The following GALNT2 variants were observed in gnomAD, a reference collection of about 807,000 sequenced individuals.
GALNT2 encodes UDP-GalNAc:polypeptide N-acetylgalactosaminyltransferase 2.
In GALNT2, 31 loss-of-function variants were observed where a neutral mutation model predicts 81.4. The ratio of observed to expected loss-of-function variants is 0.38; its 90% CI spans 0.29 to 0.51. The LOEUF is 0.51. GALNT2 is among the 20% of genes least tolerant of loss of function. The pLI, the probability that GALNT2 is intolerant of heterozygous loss-of-function variation, is 0.87. For synonymous variants in GALNT2, 303 were observed against 287.4 expected (o/e 1.05, Z -0.55); for missense variants, 629 against 765.7 (o/e 0.82, Z 2.11).
chr1:230,215,295 G>A (rs1454637769), intron 3 of GALNT2, among the ~76,000 whole-genome samples: 1 of 152,208 alleles, frequency 6.6e-6, no homozygotes, highest in Non-Finnish European at 1.5e-5. Flanking sequence ...CAAGACCATC[G>A]CTTCTGCTCG....
At chr1:230,141,760 C>T (rs1661742320) in intron 1 of GALNT2, among the ~76,000 whole-genome samples, 1 of 143,218 alleles carries the variant, frequency 7.0e-6, no homozygotes, top group Non-Finnish European at 1.5e-5. Flanking sequence ...ACAGATATCT[C>T]TTCAAGACCC....
At chr1:230,075,621 G>A (rs1313327986) in intron 1 of GALNT2, among the ~76,000 whole-genome samples, 1 of 152,146 alleles carries the variant, frequency 6.6e-6, no homozygotes, top group Non-Finnish European at 1.5e-5. Context: ...TTGAGTGTTT[G>A]GGAGTACACC....
At chr1:230,130,473 T>C (rs532563552) in intron 1 of GALNT2, among the ~76,000 whole-genome samples, 47 of 152,310 alleles carry the variant, frequency 3.1e-4, no homozygotes, top group African/African-American at 1.1e-3. Context: ...GAGCCTGGTG[T>C]TTACCCCCAC....
intron 3 of GALNT2, among the ~76,000 whole-genome samples, chr1:230,217,302 T>A (rs1452692936): frequency 6.6e-6 from 1 of 152,086 alleles, no homozygotes; most frequent in Non-Finnish European, 1.5e-5. Context: ...GGCAAAGACC[T>A]GAGGGAAGGG....
chr1:230,115,396 A>C (rs141375749), intron 1 of GALNT2, among the ~76,000 whole-genome samples: 153 of 152,360 alleles, frequency 1.0e-3, no homozygotes, highest in African/African-American at 3.5e-3. Context: ...TACGGCAGTA[A>C]AGCAAGTCAC....
chr1:230,242,428 G>A (rs909252653), intron 6 of GALNT2, among the ~76,000 whole-genome samples: 2 of 152,110 alleles, frequency 1.3e-5, no homozygotes, highest in African/African-American at 2.4e-5. Context: ...TGTCCTCACC[G>A]GTTATGAATA....
At chr1:230,255,503 C>A in intron 11 of GALNT2, 159 bp downstream of exon 11, 2 of 951,676 alleles carry the variant, frequency 2.1e-6, no homozygotes, top group Non-Finnish European at 3.1e-6. Flanking sequence ...TCCACGGATG[C>A]AGGATACAAC....
chr1:230,236,481 G>A (rs1165449087), intron 5 of GALNT2, 61 bp downstream of exon 5: 2 of 1,552,118 alleles, frequency 1.3e-6, no homozygotes, highest in South Asian at 1.1e-5. Flanking sequence ...CAGTCTTCCT[G>A]TAGTGGGGGT....
intron 11 of GALNT2, 152 bp from the exon 12 acceptor site, chr1:230,262,421 C>T (rs2296064): frequency 0.05 from 32,125 of 638,062 alleles, 1,898 homozygotes; most frequent in African/African-American, 0.17. Flanking sequence ...CTGGTGGGGA[C>T]AGCCCACCCT....
chr1:230,138,544 A>T (rs1335446102), intron 1 of GALNT2, among the ~76,000 whole-genome samples: 1 of 151,540 alleles, frequency 6.6e-6, no homozygotes, highest in Non-Finnish European at 1.5e-5. Context: ...AAAAAAAAAA[A>T]TGAAACAGAA....
intron 1 of GALNT2, among the ~76,000 whole-genome samples, chr1:230,120,920 T>G (rs961254414): frequency 6.6e-6 from 1 of 152,220 alleles, no homozygotes; most frequent in Non-Finnish European, 1.5e-5. Context: ...CTGAGTGGCT[T>G]ATATGCAAAC....
chr1:230,235,980 C>T, intron 3 of GALNT2, 34 bp from the exon 4 acceptor site: 1 of 1,601,134 alleles, frequency 6.2e-7, no homozygotes, highest in Non-Finnish European at 8.6e-7. Context: ...CTCTGGGGGT[C>T]ATTGTTCAGA....
At chr1:230,061,258 C>G (rs1227247087) in intron 1 of GALNT2, among the ~76,000 whole-genome samples, 1 of 151,622 alleles carries the variant, frequency 6.6e-6, no homozygotes, top group Non-Finnish European at 1.5e-5. Flanking sequence ...ACCGCTATCT[C>G]TAATTACAAA....
At chr1:230,237,930 C>T (rs572304103) in intron 6 of GALNT2, among the ~76,000 whole-genome samples, 36 of 151,780 alleles carry the variant, frequency 2.4e-4, no homozygotes, top group African/African-American at 8.4e-4. Flanking sequence ...CTAACAGTGT[C>T]TTTGTCTTTA....
In GALNT2 at chr1:230,275,368, T is replaced by C. The variant is rs1282252157; in HGVS notation, c.1560+804T>C. ...CATATATATACATGCCACATATACA[T>C]CTATAAACACCACATGTATACACGC... On this transcript the variant is annotated intron_variant, in intron 15 of 15. Coordinates refer to ENST00000366672, the MANE Select transcript of GALNT2 (RefSeq NM_004481.5). This position sits in a 1 kb window ranked among gnomAD's most constrained non-coding sequence, Gnocchi z 5.5. Among the ~76,000 whole-genome samples the C allele has an allele frequency of 6.7e-6, 1 of 150,334 alleles. No individual in the cohort carries two copies. Among genetic ancestry groups the C allele is most frequent in the East Asian group, 2.0e-4 (1 of 5,040 alleles).
chr1:230,087,942 T>A (rs538736695), intron 1 of GALNT2, among the ~76,000 whole-genome samples: 17 of 152,320 alleles, frequency 1.1e-4, no homozygotes, highest in Admixed American at 5.2e-4. Context: ...ACAGCAGATA[T>A]TAAGTGACAG....
At chr1:230,109,896 A>G (rs907392276) in intron 1 of GALNT2, among the ~76,000 whole-genome samples, 12 of 152,052 alleles carry the variant, frequency 7.9e-5, no homozygotes, top group Admixed American at 7.2e-4. Flanking sequence ...CAGAAAGACA[A>G]ACAAGCTCAT....
chr1:230,193,511 G>A lies in GALNT2; in HGVS notation c.221-9626G>A, dbSNP rs1329945370. Among the ~76,000 whole-genome samples the A allele has an allele frequency of 2.0e-5, 3 of 152,198 alleles. No homozygotes were observed. The highest frequency in any genetic ancestry group is 4.4e-5 in the Non-Finnish European group (3 of 68,006). On this transcript the variant is annotated intron_variant, in intron 2 of 15. Transcript: ENST00000366672. The surrounding 1 kb of genome is among the most constrained non-coding windows in gnomAD (Gnocchi z 4.3). ...CCTCTCTGTGCTGGGGTGTGCGTGC[G>A]CCTCTGTGTGCTGGGGTCTTCATGT...
At chr1:230,237,656 A>G (rs1227356623) in intron 6 of GALNT2, among the ~76,000 whole-genome samples, 1 of 152,324 alleles carries the variant, frequency 6.6e-6, no homozygotes, top group East Asian at 1.9e-4. Context: ...TAGACATTCA[A>G]GATACATAAA....
Sources: allele counts gnomAD v4.1 joint callset (sites outside exome capture counted in the v4.1 genomes callset), GRCh38; gene constraint gnomAD v4.1.1; non-coding constraint Gnocchi (gnomAD v3.1); transcripts MANE v1.5; gene names NCBI Gene and HGNC (gene_info 2026-07-23, HGNC 2026-07-21).